TRHDE: variants seen among roughly 807,000 people sequenced by gnomAD.
TRHDE encodes thyrotropin releasing hormone degrading enzyme.
Under a neutral mutation model 125.7 loss-of-function variants are expected in TRHDE, and 72 were observed. The ratio of observed to expected loss-of-function variants is 0.57; its 90% CI spans 0.47 to 0.70. The LOEUF (loss-of-function observed/expected upper bound fraction) is 0.70. TRHDE is among the 30% of genes least tolerant of loss of function. The probability of loss-of-function intolerance (pLI) is 0.00; values close to 1 mark genes in which losing one functional copy is unlikely to be tolerated. For missense variants in TRHDE, 1,110 were observed against 1,327.1 expected (o/e 0.84, Z 2.54); for synonymous variants, 509 against 509.1 (o/e 1.00, Z 0.00).
intron 15 of TRHDE, among the ~76,000 whole-genome samples, chr12:72,638,716 T>C (rs1171119434): frequency 6.6e-6 from 1 of 152,058 alleles, no homozygotes; most frequent in African/African-American, 2.4e-5. Flanking sequence ...ACAAAATCTC[T>C]CAGCATTTGC....
intron 2 of TRHDE, among the ~76,000 whole-genome samples, chr12:72,250,422 C>G (rs1418462621): frequency 1.3e-5 from 2 of 152,118 alleles, no homozygotes; most frequent in Non-Finnish European, 2.9e-5. Context: ...ACGCTGGCTT[C>G]AGAGTCAGAT....
At chr12:72,381,625 T>C (rs1226901207) in intron 3 of TRHDE, among the ~76,000 whole-genome samples, 1 of 152,080 alleles carries the variant, frequency 6.6e-6, no homozygotes, top group Non-Finnish European at 1.5e-5. Context: ...CTCGATCTCC[T>C]GACCTCGTGA....
chr12:72,462,917 A>G (rs1017040286), intron 3 of TRHDE, among the ~76,000 whole-genome samples: 1 of 152,206 alleles, frequency 6.6e-6, no homozygotes, highest in Admixed American at 6.5e-5. Context: ...CTCTGCTGGA[A>G]CAGAGTAAGG....
At chr12:72,173,535 T>A (rs570743670) in intron 2 of TRHDE, among the ~76,000 whole-genome samples, 1 of 152,282 alleles carries the variant, frequency 6.6e-6, no homozygotes, top group East Asian at 1.9e-4. Flanking sequence ...TTGAAGGACC[T>A]ACTTATCCCA....
At chr12:72,153,859 G>A (rs1406126594) in intron 2 of TRHDE, among the ~76,000 whole-genome samples, 17 of 152,144 alleles carry the variant, frequency 1.1e-4, no homozygotes, top group Non-Finnish European at 5.9e-5. Flanking sequence ...CTGCTGAAAA[G>A]AATGTATATT....
intron 3 of TRHDE, among the ~76,000 whole-genome samples, chr12:72,424,470 C>T (rs368124001): frequency 6.2e-4 from 94 of 152,238 alleles, no homozygotes; most frequent in African/African-American, 2.2e-3. Context: ...TACAAGGCTG[C>T]CAGTGCCTTG....
chr12:72,562,347 C>T (rs1391645460), intron 8 of TRHDE, 117 bp downstream of exon 8: 11 of 505,882 alleles, frequency 2.2e-5, no homozygotes, highest in Non-Finnish European at 3.9e-5. Context: ...TTACATTTTT[C>T]ATTTGTTCAT....
At chr12:72,528,591 T>G (rs561542118) in intron 6 of TRHDE, among the ~76,000 whole-genome samples, 1 of 152,242 alleles carries the variant, frequency 6.6e-6, no homozygotes, top group South Asian at 2.1e-4. Flanking sequence ...CGGGTTCAAG[T>G]AATTCTCCTG....
intron 3 of TRHDE, among the ~76,000 whole-genome samples, chr12:72,429,944 C>T (rs1188889495): frequency 6.6e-6 from 1 of 151,646 alleles, no homozygotes; most frequent in Admixed American, 6.6e-5. Context: ...CTAATATTTT[C>T]TTAAATTCTG....
chr12:72,435,956 C>T (rs1874724979), intron 3 of TRHDE, among the ~76,000 whole-genome samples: 1 of 151,890 alleles, frequency 6.6e-6, no homozygotes, highest in Admixed American at 6.6e-5. Flanking sequence ...AATTTTTTAA[C>T]TTGTTCACAT....
At chr12:72,140,847 C>T (rs1365667025) in intron 2 of TRHDE, among the ~76,000 whole-genome samples, 1 of 152,106 alleles carries the variant, frequency 6.6e-6, no homozygotes, top group African/African-American at 2.4e-5. Context: ...TAGTGTAACT[C>T]ATTGAGCAGA....
intron 2 of TRHDE, among the ~76,000 whole-genome samples, chr12:72,242,741 A>G (rs113367995): frequency 1.3e-5 from 2 of 152,184 alleles, no homozygotes; most frequent in African/African-American, 4.8e-5. Flanking sequence ...CTCCTTTCCC[A>G]ATCTGACTGG....
At chr12:72,375,525 CAG>C (rs1871838705) in intron 2 of TRHDE, among the ~76,000 whole-genome samples, 1 of 152,122 alleles carries the variant, frequency 6.6e-6, no homozygotes, top group Non-Finnish European at 1.5e-5. Context: ...CCACCAAAAA[CAG>C]GGAAGCGTCC....
intron 1 of TRHDE, among the ~76,000 whole-genome samples, chr12:72,088,919 C>G (rs915125039): frequency 2.6e-5 from 4 of 151,990 alleles, no homozygotes; most frequent in Non-Finnish European, 5.9e-5. Flanking sequence ...TAATATAGAC[C>G]TTTCTTCCAA....
chr12:72,189,609 C>T (rs1877298099), intron 2 of TRHDE, among the ~76,000 whole-genome samples: 1 of 152,102 alleles, frequency 6.6e-6, no homozygotes, highest in Non-Finnish European at 1.5e-5. Context: ...GGGCTAGTTA[C>T]CTTGGTGAAA....
At chr12:72,651,514 A>G (rs1393355360) in intron 15 of TRHDE, among the ~76,000 whole-genome samples, 1 of 152,068 alleles carries the variant, frequency 6.6e-6, no homozygotes, top group African/African-American at 2.4e-5. Context: ...AAAAAGCAAA[A>G]TTAAATTTTG....
At chr12:72,110,881 G>C (rs953271933) in intron 2 of TRHDE, among the ~76,000 whole-genome samples, 2 of 152,158 alleles carry the variant, frequency 1.3e-5, no homozygotes, top group African/African-American at 4.8e-5. Flanking sequence ...GGGAGGAAAT[G>C]ATGAAAAATA....
chr12:72,610,179 T>C (rs1314407851), intron 12 of TRHDE, among the ~76,000 whole-genome samples: 2 of 152,222 alleles, frequency 1.3e-5, no homozygotes, highest in African/African-American at 4.8e-5. Context: ...CTATGTTTTC[T>C]AATGCTGCTT....
intron 12 of TRHDE, among the ~76,000 whole-genome samples, chr12:72,586,881 G>A (rs1871463767): frequency 6.6e-6 from 1 of 151,994 alleles, no homozygotes; most frequent in Non-Finnish European, 1.5e-5. Context: ...AGGCTAATAG[G>A]CCCTGAAGAG....
Sources: gnomAD v4.1 joint callset for allele counts (sites outside exome capture counted in the v4.1 genomes callset) on GRCh38, gnomAD v4.1.1 for gene constraint, MANE v1.5 for transcripts, NCBI Gene and HGNC (gene_info 2026-07-23, HGNC 2026-07-21) for gene names.